Variants in ZSCAN18 observed in about 807,000 individuals in gnomAD.
The protein encoded by ZSCAN18 is zinc finger and SCAN domain containing 18.
In ZSCAN18, 16 loss-of-function variants were observed where a neutral mutation model predicts 31.1. The ratio of observed to expected loss-of-function variants is 0.51; its 90% CI spans 0.35 to 0.78. The LOEUF (loss-of-function observed/expected upper bound fraction) is 0.78, where lower values mean the gene tolerates loss of function less well. Among genes scored for constraint, ZSCAN18 ranks in the 30% least tolerant of loss-of-function variants. The probability of loss-of-function intolerance (pLI) is 0.01; values close to 1 mark genes in which losing one functional copy is unlikely to be tolerated. For missense variants in ZSCAN18, 731 were observed against 697.4 expected (o/e 1.05, Z -0.54); for synonymous variants, 375 against 320.7 (o/e 1.17, Z -1.81).
At chr19:58,107,995 TG>T in intron 1 of ZSCAN18, 1 of 1,037,938 alleles carries the variant, frequency 9.6e-7, no homozygotes, top group East Asian at 7.8e-5. Context: ...AGTTTGACAC[TG>T]GTTACAGCCA....
At chr19:58,085,442 G>C in intron 6 of ZSCAN18, 63 bp from the exon 7 acceptor site, 1 of 1,414,396 alleles carries the variant, frequency 7.1e-7, no homozygotes, top group Non-Finnish European at 9.4e-7. Context: ...GGAGGACCCA[G>C]CCGAGCCTCA....
chr19:58,086,663 CAGG>C (rs2074286999), intron 5 of ZSCAN18: 1 of 515,272 alleles, frequency 1.9e-6, no homozygotes, highest in African/African-American at 2.0e-5. Flanking sequence ...GCCTTGGGGC[CAGG>C]AGGCCTTTCC....
chr19:58,108,572 T>C, intron 1 of ZSCAN18: 1 of 985,962 alleles, frequency 1.0e-6, no homozygotes, highest in African/African-American at 1.7e-5. Flanking sequence ...GAGAGGGATT[T>C]TCCACAGTCA....
At chr19:58,087,177 GC>G in intron 4 of ZSCAN18, 138 bp downstream of exon 4, 1 of 1,051,820 alleles carries the variant, frequency 9.5e-7, no homozygotes, top group Non-Finnish European at 1.4e-6. Flanking sequence ...CCGCCCTCAC[GC>G]TCCCACCAGG....
chr19:58,103,788 T>G (rs1347411198), intron 1 of ZSCAN18, among the ~76,000 whole-genome samples: 1 of 114,472 alleles, frequency 8.7e-6, no homozygotes, highest in Admixed American at 9.0e-5. Flanking sequence ...TTAAGCTTAG[T>G]AAGGAAGGCG....
rs1464906652 is a variant in ZSCAN18 at position 58,084,030 on chromosome 19, T to C, written c.*655A>G. The stretch of plus-strand genomic sequence containing the variant: ...TACTACATGATGCATTCTGGCCTAC[T>C]TTATTCTGCTTCATTGCTGTGTAAT... On this transcript the variant is annotated 3_prime_UTR_variant, in exon 7 of 7. Transcript: ENST00000601144. This position sits in a 1 kb window ranked among gnomAD's most constrained non-coding sequence, Gnocchi z 4.5. 1 of 152,244 alleles carries C rather than the reference T, an allele frequency of 6.6e-6. No homozygotes were observed. Among genetic ancestry groups the C allele is most frequent in the Non-Finnish European group, 1.5e-5 (1 of 68,044 alleles). The allele number at this position is 152,244 out of a possible 1,614,324, so 9.4% of individuals were successfully genotyped here. A position where few individuals can be genotyped will look rare whatever the true frequency, so the allele number is the denominator to read the frequency against.
chr19:58,116,478 C>T (rs548490011), intron 1 of ZSCAN18, among the ~76,000 whole-genome samples: 56 of 152,168 alleles, frequency 3.7e-4, no homozygotes, highest in Admixed American at 1.8e-3. Flanking sequence ...ACTGCAGAAT[C>T]TGTCACTATC....
At chr19:58,093,996 C>G (rs1426580259) in intron 1 of ZSCAN18, among the ~76,000 whole-genome samples, 4 of 151,930 alleles carry the variant, frequency 2.6e-5, no homozygotes, top group Non-Finnish European at 5.9e-5. Context: ...AACTGCTGAC[C>G]TCAAGTGATC....
intron 1 of ZSCAN18, 158 bp downstream of exon 1, chr19:58,098,016 C>CTCCT: frequency 1.0e-6 from 1 of 985,780 alleles, no homozygotes; most frequent in Non-Finnish European, 1.2e-6. Context: ...GAAGGGATGC[C>CTCCT]AGACCCTCGG....
rs1192730968 is a variant in ZSCAN18 at position 58,089,325 on chromosome 19, A to C, written c.404-488T>G. ...CTCAAAAAAAAAAAAAAAAAAAAAA[A>C]AAAAAAAAAAAAAGAGGCTGGGCTG... is the stretch of plus-strand genomic sequence containing the variant. On this transcript the variant is annotated intron_variant, in intron 2 of 6. Coordinates refer to ENST00000601144, the MANE Select transcript of ZSCAN18 (RefSeq NM_001145543.2). 3.9e-3 allele frequency among the ~76,000 whole-genome samples: 538 copies of C among 138,236 alleles called. 17 individuals are homozygous for C. Among genetic ancestry groups the C allele is most frequent in the African/African-American group, 0.015 (517 of 35,194 alleles). The allele number at this position is 138,236 out of a possible 152,430, so 90.7% of individuals were successfully genotyped here.
At chr19:58,096,657 C>T (rs1056680809) in intron 1 of ZSCAN18, among the ~76,000 whole-genome samples, 1 of 152,188 alleles carries the variant, frequency 6.6e-6, no homozygotes, top group African/African-American at 2.4e-5. Flanking sequence ...CTCTCCATCC[C>T]ACCACACTCA....
intron 2 of ZSCAN18, 89 bp downstream of exon 2, chr19:58,089,774 CTA>C: frequency 6.8e-7 from 1 of 1,473,092 alleles, no homozygotes; most frequent in South Asian, 1.3e-5. Flanking sequence ...GGGAACTTAA[CTA>C]TCTCAGGCAA....
chr19:58,090,442 C>G lies in ZSCAN18; in HGVS notation c.-119-56G>C, dbSNP rs2074388156. ...TGCATAAGGCCAGGGCGCAGCCACC[C>G]CAGCTGCCAGAGAACAAAGACACCA... is the stretch of plus-strand genomic sequence containing the variant. On this transcript the variant is annotated intron_variant, in intron 1 of 6. Coordinates refer to ENST00000601144, the MANE Select transcript of ZSCAN18 (RefSeq NM_001145543.2). This position sits in a 1 kb window ranked among gnomAD's most constrained non-coding sequence, Gnocchi z 4.7. 1 of 1,431,578 alleles carries G rather than the reference C, an allele frequency of 7.0e-7. No individual in the cohort carries two copies. Among genetic ancestry groups the G allele is most frequent in the Non-Finnish European group, 9.2e-7 (1 of 1,081,648 alleles). 88.7% of individuals were successfully genotyped at this position (1,431,578 alleles called of 1,614,324 possible). A position where few individuals can be genotyped will look rare whatever the true frequency, so the allele number is the denominator to read the frequency against.
chr19:58,117,665 G>A (rs1175877684), intron 1 of ZSCAN18, among the ~76,000 whole-genome samples: 7 of 150,642 alleles, frequency 4.6e-5, no homozygotes, highest in Non-Finnish European at 1.0e-4. Context: ...TGTGCAGGAA[G>A]AGAGGAGGGG....
At chr19:58,091,426 T>C (rs894564698) in intron 1 of ZSCAN18, among the ~76,000 whole-genome samples, 18 of 151,020 alleles carry the variant, frequency 1.2e-4, no homozygotes, top group Admixed American at 2.7e-4. Context: ...TGGAGGCCAC[T>C]GAACAACCAC....
At chr19:58,091,731 C>G (rs905246028) in intron 1 of ZSCAN18, among the ~76,000 whole-genome samples, 1 of 152,220 alleles carries the variant, frequency 6.6e-6, no homozygotes, top group African/African-American at 2.4e-5. Flanking sequence ...CGGGTCACAG[C>G]TGTCCAGGCC....
chr19:58,113,046 T>C (rs1027411666), intron 1 of ZSCAN18, among the ~76,000 whole-genome samples: 1 of 149,722 alleles, frequency 6.7e-6, no homozygotes, highest in Non-Finnish European at 1.5e-5. Flanking sequence ...CCAGGCGCAG[T>C]GGCTCACGTC....
Position 58,084,321 on chromosome 19 carries a change from G to T in ZSCAN18, c.*364C>A. On this transcript the variant is annotated 3_prime_UTR_variant, in exon 7 of 7. Transcript: ENST00000601144. The surrounding 1 kb of genome is among the most constrained non-coding windows in gnomAD (Gnocchi z 4.5). ...GGGAGCGCAAACAGGAGGAATCGGGGCAAGGGTGACTTGAAGAAAGCACTG... is the reference window on the plus strand; with the variant it reads ...GGGAGCGCAAACAGGAGGAATCGGGTCAAGGGTGACTTGAAGAAAGCACTG... 4.9e-6 allele frequency: 1 copy of T among 206,162 alleles called. No individual in the cohort carries two copies. The highest frequency in any genetic ancestry group is 9.7e-6 in the Non-Finnish European group (1 of 103,568). 12.8% of individuals were successfully genotyped at this position (206,162 alleles called of 1,614,324 possible).
chr19:58,113,790 G>C (rs2074707707), intron 1 of ZSCAN18, among the ~76,000 whole-genome samples: 1 of 151,988 alleles, frequency 6.6e-6, no homozygotes, highest in African/African-American at 2.4e-5. Flanking sequence ...ACCAGCCTAG[G>C]GAACATGGTG....
Sources: allele counts gnomAD v4.1 joint callset (sites outside exome capture counted in the v4.1 genomes callset), GRCh38; gene constraint gnomAD v4.1.1; non-coding constraint Gnocchi (gnomAD v3.1); transcripts MANE v1.5; gene names NCBI Gene and HGNC (gene_info 2026-07-23, HGNC 2026-07-21).